Variants in SVEP1 observed in about 807,000 individuals in gnomAD.
The protein encoded by SVEP1 is sushi, von Willebrand factor type A, EGF and pentraxin domain-containing protein 1.
Under a neutral mutation model 367.3 loss-of-function variants are expected in SVEP1, and 164 were observed. That is an observed-to-expected ratio of 0.45 (90% confidence interval 0.39 to 0.51). The LOEUF (loss-of-function observed/expected upper bound fraction) is 0.51, where lower values mean the gene tolerates loss of function less well. Ranked by LOEUF, SVEP1 falls within the 20% of genes least tolerant of loss-of-function variation. The probability of loss-of-function intolerance (pLI) is 0.00; values close to 1 mark genes in which losing one functional copy is unlikely to be tolerated. For synonymous variants in SVEP1, 1,666 were observed against 1,611.6 expected (o/e 1.03, Z -0.81); for missense variants, 4,117 against 4,425.3 (o/e 0.93, Z 1.98).
At position 110,579,340 on chromosome 9, in the gene SVEP1, G is replaced by A. The variant is rs1391397686; in HGVS notation, c.204C>T (p.Phe68=). The change falls in exon 1 of 48, where the codon TTC becomes TTT. Residue 68 remains phenylalanine (F), a synonymous_variant. Transcript: ENST00000374469. This position sits in a 1 kb window ranked among gnomAD's most constrained non-coding sequence, Gnocchi z 5.3. The part of the protein sequence containing the change: ...GSRVERLGQA[F]RRRVRLLREL... Reference sequence around the variant, plus strand: ...CCCGCAGCAGCCGCACGCGTCGCCGGAACGCCTGGCCCAGCCGCTCCACTC... The same window carrying A: ...CCCGCAGCAGCCGCACGCGTCGCCGAAACGCCTGGCCCAGCCGCTCCACTC... The A allele has an allele frequency of 3.9e-6, 6 of 1,555,110 alleles. No homozygotes were observed. Among genetic ancestry groups the A allele is most frequent in the African/African-American group, 2.7e-5 (2 of 73,432 alleles).
intron 14 of SVEP1, 50 bp downstream of exon 14, chr9:110,476,154 T>TATTTTGCAG: frequency 1.7e-6 from 2 of 1,156,654 alleles, no homozygotes; most frequent in South Asian, 2.6e-5. Context: ...GAATTATTCT[T>TATTTTGCAG]ATTTTGCAGA....
chr9:110,490,471 T>C (rs1265911113), intron 8 of SVEP1, among the ~76,000 whole-genome samples: 1 of 152,150 alleles, frequency 6.6e-6, no homozygotes, highest in African/African-American at 2.4e-5. Context: ...AATTCTCTTC[T>C]CTTATCTCTC....
intron 36 of SVEP1, among the ~76,000 whole-genome samples, chr9:110,424,706 C>T (rs907234315): frequency 6.6e-6 from 1 of 152,132 alleles, no homozygotes; most frequent in African/African-American, 2.4e-5. Flanking sequence ...CAGAGTTTCG[C>T]TCTTGTTGCC....
intron 23 of SVEP1, among the ~76,000 whole-genome samples, chr9:110,450,666 G>C (rs1473399371): frequency 6.6e-6 from 1 of 151,500 alleles, no homozygotes; most frequent in African/African-American, 2.4e-5. Context: ...GTAGAGACAG[G>C]GTTTCACCAT....
At chr9:110,397,195 A>G (rs1280296011) in intron 40 of SVEP1, among the ~76,000 whole-genome samples, 1 of 152,308 alleles carries the variant, frequency 6.6e-6, no homozygotes, top group East Asian at 1.9e-4. Flanking sequence ...CAACATACAC[A>G]AATCAATAAA....
At chr9:110,539,637 ATG>A in intron 3 of SVEP1, among the ~76,000 whole-genome samples, 1 of 151,136 alleles carries the variant, frequency 6.6e-6, no homozygotes, top group East Asian at 1.9e-4. Flanking sequence ...ACATATATGT[ATG>A]TGTTACATAT....
At chr9:110,493,278 AT>A (rs574174372) in intron 8 of SVEP1, among the ~76,000 whole-genome samples, 5 of 150,042 alleles carry the variant, frequency 3.3e-5, no homozygotes, top group African/African-American at 4.9e-5. Flanking sequence ...AAGAGAGATA[AT>A]TTTTTTTTTG....
chr9:110,408,909 A>G lies in SVEP1; in HGVS notation c.6691T>C (p.Cys2231Arg). 3 of 1,606,618 alleles carry G rather than the reference A, an allele frequency of 1.9e-6. No individual in the cohort carries two copies. Among genetic ancestry groups the G allele is most frequent in the Non-Finnish European group, 2.6e-6 (3 of 1,176,224 alleles). ...RIFESEVRYQ[C>R]NPGYKSVGSP... ...CCGACTGACTTATAGCCCGGGTTAC[A>G]CTGATACCTCACTTCACTCTCAAAG... is the stretch of plus-strand genomic sequence containing the variant. The change falls in exon 38 of 48, where the codon TGT (cysteine) becomes CGT (arginine). Residue 2231 changes from cysteine to arginine, a missense_variant. By Grantham distance (180) the Cys-to-Arg change is radical. This residue lies in a region of SVEP1 where 1,765 missense variants were observed against 1,781.1 expected (regional missense o/e 0.99). Coordinates refer to ENST00000374469, the MANE Select transcript of SVEP1 (RefSeq NM_153366.4).
chr9:110,482,638 T>G, intron 10 of SVEP1, 146 bp from the exon 11 acceptor site: 8 of 915,240 alleles, frequency 8.7e-6, no homozygotes, highest in Non-Finnish European at 7.7e-6. Flanking sequence ...GCGATTCTCC[T>G]GCCTCAGTCT....
rs550712936 is a variant in SVEP1, at chr9:110,579,038, G to C, written c.506C>G (p.Thr169Ser). The change falls in exon 1 of 48, where the codon ACC (threonine) becomes AGC (serine). Residue 169 changes from threonine (T) to serine (S), a missense_variant. This residue lies in a region of SVEP1 where 2,174 missense variants were observed against 2,494.3 expected (regional missense o/e 0.87). Coordinates refer to ENST00000374469, the MANE Select transcript of SVEP1 (RefSeq NM_153366.4). This position sits in a 1 kb window ranked among gnomAD's most constrained non-coding sequence, Gnocchi z 5.3. ...AISYRGGGTY[T>S]KGAFQQAAQI... ...CGCGGCTTGCTGGAAGGCGCCCTTG[G>C]TGTAGGTGCCGCCACCTCGGTAGGA... 1 of 1,549,074 alleles carries C rather than the reference G, an allele frequency of 6.5e-7. No individual in the cohort carries two copies. The highest frequency in any genetic ancestry group is 1.2e-5 in the South Asian group (1 of 84,002).
At chr9:110,486,265 G>A (rs758488611) in intron 9 of SVEP1, among the ~76,000 whole-genome samples, 2 of 152,190 alleles carry the variant, frequency 1.3e-5, no homozygotes, top group Non-Finnish European at 2.9e-5. Context: ...GATTTTCTGG[G>A]CATATCTGAT....
intron 10 of SVEP1, among the ~76,000 whole-genome samples, chr9:110,482,882 C>T (rs562691054): frequency 6.6e-6 from 1 of 152,224 alleles, no homozygotes; most frequent in Admixed American, 6.5e-5. Flanking sequence ...CCTACTTATG[C>T]AAATCAGTTG....
rs1251934421 is a variant in SVEP1 at position 110,366,535 on chromosome 9, G to A, written c.*4C>T. The stretch of plus-strand genomic sequence containing the variant: ...TTTGGGAGAGCCAGATGGTCGTGCA[G>A]TGGTTAAAACCCAGTCCTCCTTTTC... On this transcript the variant is annotated 3_prime_UTR_variant, in exon 48 of 48. Coordinates refer to ENST00000374469, the MANE Select transcript of SVEP1 (RefSeq NM_153366.4). 4 of 1,556,114 alleles carry A rather than the reference G, an allele frequency of 2.6e-6. No homozygotes were observed. Among genetic ancestry groups the A allele is most frequent in the East Asian group, 2.3e-5 (1 of 42,758 alleles).
At position 110,515,704 on chromosome 9, in the gene SVEP1, T is replaced by G. The variant is rs186534673; in HGVS notation, c.965-1598A>C. Among the ~76,000 whole-genome samples the G allele has an allele frequency of 1.7e-3, 264 of 152,270 alleles. 1 individual carries two copies. The highest frequency in any genetic ancestry group is 6.2e-3 in the African/African-American group (256 of 41,558). On this transcript the variant is annotated intron_variant, in intron 3 of 47. Coordinates refer to ENST00000374469, the MANE Select transcript of SVEP1 (RefSeq NM_153366.4). ...AATATTTGCATTAATTTCATTAGTATTATTATATCCATTTTAAACATCAGA... is the reference window on the plus strand; with the variant it reads ...AATATTTGCATTAATTTCATTAGTAGTATTATATCCATTTTAAACATCAGA...
chr9:110,385,785 T>C, intron 43 of SVEP1, 113 bp downstream of exon 43: 1 of 1,105,650 alleles, frequency 9.0e-7, no homozygotes, highest in South Asian at 1.9e-5. Context: ...ATAACTGTGA[T>C]AGCACAGAGA....
Position 110,443,600 on chromosome 9 carries a change from G to A in SVEP1, c.4584C>T (p.Ile1528=), listed in dbSNP as rs370306062. 1.9e-5 allele frequency: 31 copies of A among 1,612,798 alleles called. No homozygotes were observed. Among genetic ancestry groups the A allele is most frequent in the Middle Eastern group, 3.3e-4 (2 of 6,080 alleles). The part of the protein sequence containing the change: ...TSANGIWKVY[I]DGKLSDGGAG... ...CACCACCGTCAGATAATTTCCCATCGATATAGACTTTCCAGATGCCATTGG... is the reference window on the plus strand; with the variant it reads ...CACCACCGTCAGATAATTTCCCATCAATATAGACTTTCCAGATGCCATTGG... The change falls in exon 27 of 48, where the codon ATC becomes ATT. Residue 1528 remains isoleucine (I), a synonymous_variant. Transcript: ENST00000374469.
intron 6 of SVEP1, among the ~76,000 whole-genome samples, chr9:110,500,007 T>C (rs921705421): frequency 6.6e-6 from 1 of 152,248 alleles, no homozygotes; most frequent in African/African-American, 2.4e-5. Context: ...GCATGTATTA[T>C]TTAATCATAT....
intron 46 of SVEP1, among the ~76,000 whole-genome samples, chr9:110,373,435 T>A (rs115192617): frequency 2.0e-5 from 3 of 152,130 alleles, no homozygotes; most frequent in Middle Eastern, 3.2e-3. Context: ...CTCAAAAATG[T>A]CCTGGTTTGG....
intron 39 of SVEP1, 129 bp downstream of exon 39, chr9:110,404,198 T>A (rs1345809256): frequency 4.5e-6 from 4 of 893,794 alleles, no homozygotes; most frequent in Non-Finnish European, 6.7e-6. Context: ...AAGAAACTTT[T>A]CAAATCCTTT....
Sources: gnomAD v4.1 joint callset for allele counts (sites outside exome capture counted in the v4.1 genomes callset) on GRCh38, gnomAD v4.1.1 for gene constraint, gnomAD v4.1.1 regional missense constraint, Gnocchi (gnomAD v3.1) non-coding constraint, MANE v1.5 for transcripts, NCBI Gene and HGNC (gene_info 2026-07-23, HGNC 2026-07-21) for gene names.